Variants in AFG1L observed in about 807,000 individuals in gnomAD.
The protein encoded by AFG1L is AFG1 like ATPase.
A neutral mutation model predicts 62.2 loss-of-function variants in AFG1L; 53 were observed. The ratio of observed to expected loss-of-function variants is 0.85; its 90% CI spans 0.68 to 1.07. The LOEUF is 1.07. Among genes scored for constraint, AFG1L ranks in the 50% least tolerant of loss-of-function variants. The pLI, the probability that AFG1L is intolerant of heterozygous loss-of-function variation, is 0.00. For missense variants in AFG1L, 555 were observed against 590.5 expected (o/e 0.94, Z 0.62); for synonymous variants, 228 against 210.3 (o/e 1.08, Z -0.73).
intron 7 of AFG1L, among the ~76,000 whole-genome samples, chr6:108,426,676 G>A (rs978160647): frequency 6.6e-6 from 1 of 152,196 alleles, no homozygotes; most frequent in East Asian, 1.9e-4. Context: ...CCCAGCACCA[G>A]CACCAGTCTT....
intron 3 of AFG1L, among the ~76,000 whole-genome samples, chr6:108,354,911 A>G (rs1002512854): frequency 6.6e-6 from 1 of 152,126 alleles, no homozygotes; most frequent in African/African-American, 2.4e-5. Flanking sequence ...GAGTGTTGAA[A>G]ATTAGATAAT....
chr6:108,452,506 C>T (rs1206380703), intron 8 of AFG1L, among the ~76,000 whole-genome samples: 1 of 152,116 alleles, frequency 6.6e-6, no homozygotes, highest in African/African-American at 2.4e-5. Flanking sequence ...CACATACAAA[C>T]ACTGTGCCCT....
chr6:108,471,747 G>T (rs2114802593), intron 8 of AFG1L, among the ~76,000 whole-genome samples: 1 of 152,172 alleles, frequency 6.6e-6, no homozygotes, highest in East Asian at 1.9e-4. Context: ...TTAAAAATTT[G>T]AAAACATGCT....
chr6:108,356,898 A>G (rs1242816771), intron 5 of AFG1L, 78 bp downstream of exon 5: 3 of 1,231,718 alleles, frequency 2.4e-6, no homozygotes, highest in Admixed American at 2.2e-5. Context: ...TCCTGATTTT[A>G]TCATTGGTTT....
intron 7 of AFG1L, among the ~76,000 whole-genome samples, chr6:108,414,946 A>T (rs1428257949): frequency 2.6e-5 from 4 of 152,168 alleles, no homozygotes; most frequent in African/African-American, 7.2e-5. Flanking sequence ...GAAAGAAATA[A>T]AGGGTATTCA....
Position 108,402,019 on chromosome 6 carries a change from A to G in AFG1L, c.772A>G (p.Arg258Gly), listed in dbSNP as rs758237747. 1 of 1,519,726 alleles carries G rather than the reference A, an allele frequency of 6.6e-7. No individual in the cohort carries two copies. Among genetic ancestry groups the G allele is most frequent in the Non-Finnish European group, 8.9e-7 (1 of 1,127,918 alleles). The allele number at this position is 1,519,726 out of a possible 1,614,324, so 94.1% of individuals were successfully genotyped here. Residue 258 changes from arginine to glycine, a missense_variant, in exon 7 of 13, where the codon AGA becomes GGA. By Grantham distance (125) the Arg-to-Gly change is moderately radical. Coordinates refer to ENST00000368977, the MANE Select transcript of AFG1L (RefSeq NM_145315.5). ...AGATCTCTATAAAAATGGACTCCAA[A>G]GAGCTAACTTTGTACCATTCATAGC... ...PEDLYKNGLQRANFVPFIAVL... is the reference protein window; with the variant it reads ...PEDLYKNGLQGANFVPFIAVL...
chr6:108,415,800 C>T (rs1770235389), intron 7 of AFG1L, among the ~76,000 whole-genome samples: 1 of 152,186 alleles, frequency 6.6e-6, no homozygotes, highest in African/African-American at 2.4e-5. Context: ...AAATGTTAGA[C>T]CTAAAACCAT....
At chr6:108,407,026 A>G (rs1023833169) in intron 7 of AFG1L, among the ~76,000 whole-genome samples, 1 of 151,998 alleles carries the variant, frequency 6.6e-6, no homozygotes, top group Admixed American at 6.6e-5. Context: ...ATCTCCACTG[A>G]TATCATTGTG....
chr6:108,349,162 A>G (rs1237975074), intron 3 of AFG1L, among the ~76,000 whole-genome samples: 2 of 152,316 alleles, frequency 1.3e-5, no homozygotes, highest in Non-Finnish European at 2.9e-5. Flanking sequence ...TTTGGTGGCT[A>G]TAATAAGTTT....
At chr6:108,417,233 TAAAC>T (rs1331654913) in intron 7 of AFG1L, among the ~76,000 whole-genome samples, 1 of 92,186 alleles carries the variant, frequency 1.1e-5, no homozygotes, top group East Asian at 2.7e-4. Context: ...GACATTGTCT[TAAAC>T]ACACACACAC....
At chr6:108,456,161 T>C (rs74435976) in intron 8 of AFG1L, among the ~76,000 whole-genome samples, 222 of 152,300 alleles carry the variant, frequency 1.5e-3, no homozygotes, top group African/African-American at 5.1e-3. Context: ...TCTTGATGAA[T>C]TGACCTCTTC....
chr6:108,445,633 TGAGA>T (rs59323063), intron 7 of AFG1L, among the ~76,000 whole-genome samples: 1,615 of 130,026 alleles, frequency 0.012, 15 homozygotes, highest in South Asian at 0.029. Flanking sequence ...ACACCTAAGG[TGAGA>T]GAGAGAGAGA....
rs903230218 is a variant in AFG1L at position 108,519,946 on chromosome 6, A to C, written c.1317+136A>C. 9.5e-6 allele frequency: 5 copies of C among 526,922 alleles called. No homozygotes were observed. The Admixed American group carries it at 1.5e-4, about 15-fold the overall frequency. 32.6% of individuals were successfully genotyped at this position (526,922 alleles called of 1,614,324 possible). A position where few individuals can be genotyped will look rare whatever the true frequency, so the allele number is the denominator to read the frequency against. On this transcript the variant is annotated intron_variant, in intron 12 of 12. Transcript: ENST00000368977. ...TGGCGCTTCTTCTATAAGCCCATGT[A>C]GCAAATTTATCATTCTCAATATCAC...
intron 1 of AFG1L, among the ~76,000 whole-genome samples, chr6:108,309,502 A>G (rs1051678623): frequency 2.6e-5 from 4 of 152,232 alleles, no homozygotes; most frequent in African/African-American, 9.6e-5. Context: ...GACACTGAGC[A>G]CTTGAAATGT....
chr6:108,411,946 C>T lies in AFG1L; in HGVS notation c.807+9892C>T, dbSNP rs149668705. ...TTGAGAGAAGAAGCCTTCAGACAAT[C>T]GGTAATAACAAAACTTCTCCAAGCT... On this transcript the variant is annotated intron_variant, in intron 7 of 12. Transcript: ENST00000368977. Among the ~76,000 whole-genome samples the T allele has an allele frequency of 1.1e-3, 166 of 152,242 alleles. 1 individual carries two copies. The highest frequency in any genetic ancestry group is 3.8e-3 in the African/African-American group (156 of 41,542).
At chr6:108,362,832 G>A (rs565435879) in intron 5 of AFG1L, among the ~76,000 whole-genome samples, 1 of 152,258 alleles carries the variant, frequency 6.6e-6, no homozygotes, top group Admixed American at 6.5e-5. Context: ...TGGGGTTTTG[G>A]TAGATGTTTT....
At chr6:108,323,281 G>A (rs1777886563) in intron 1 of AFG1L, among the ~76,000 whole-genome samples, 1 of 152,148 alleles carries the variant, frequency 6.6e-6, no homozygotes, top group Non-Finnish European at 1.5e-5. Flanking sequence ...TAGGCCTTCT[G>A]GAAGAGAGGT....
intron 11 of AFG1L, among the ~76,000 whole-genome samples, chr6:108,514,948 C>T (rs1774817545): frequency 6.6e-6 from 1 of 152,198 alleles, no homozygotes; most frequent in South Asian, 2.1e-4. Context: ...GAAGAGCTAA[C>T]TCTTCTAAAT....
intron 7 of AFG1L, among the ~76,000 whole-genome samples, chr6:108,420,396 T>A (rs576956645): frequency 1.3e-5 from 2 of 148,214 alleles, no homozygotes; most frequent in African/African-American, 2.4e-5. Context: ...TAAATAAAAA[T>A]ATATTTTTAT....
Sources: gnomAD v4.1 joint callset for allele counts (sites outside exome capture counted in the v4.1 genomes callset) on GRCh38, gnomAD v4.1.1 for gene constraint, MANE v1.5 for transcripts, NCBI Gene and HGNC (gene_info 2026-07-23, HGNC 2026-07-21) for gene names.